Variants in RNGTT observed in about 807,000 individuals in gnomAD.
RNGTT encodes the protein RNA guanylyltransferase and 5'-phosphatase, also known as mRNA-capping enzyme.
A neutral mutation model predicts 79.3 loss-of-function variants in RNGTT; 33 were observed. The ratio of observed to expected loss-of-function variants is 0.42; its 90% confidence interval spans 0.32 to 0.56. The LOEUF (loss-of-function observed/expected upper bound fraction) is 0.56, where lower values mean the gene tolerates loss of function less well. Ranked by LOEUF, RNGTT falls within the 20% of genes least tolerant of loss-of-function variation. RNGTT has a pLI of 0.17. For missense variants in RNGTT, 497 were observed against 739.1 expected, an observed-to-expected ratio of 0.67 and a Z score of 3.80; for synonymous variants, 222 against 235.9, an observed-to-expected ratio of 0.94 and a Z score of 0.54.
chr6:88,802,393 C>T lies in RNGTT; in HGVS notation c.1270-761G>A, dbSNP rs1040036766. Among the ~76,000 whole-genome samples, 9 of 152,222 alleles carry T rather than the reference C, an allele frequency of 5.9e-5. 1 individual carries two copies. The South Asian group carries it at 1.9e-3, about 32-fold the overall frequency. ...TCAACAGAGTTATAGACCCCATACC[C>T]TCTAATTAATTCTGACTGATTACGT... On this transcript the variant is annotated intron_variant, in intron 11 of 15. Coordinates refer to ENST00000369485, the MANE Select transcript of RNGTT (RefSeq NM_003800.5).
intron 14 of RNGTT, among the ~76,000 whole-genome samples, chr6:88,639,363 T>C (rs955231565): frequency 1.3e-5 from 2 of 152,126 alleles, no homozygotes; most frequent in Admixed American, 1.3e-4. Flanking sequence ...TATTCATATA[T>C]CTCAGTCTGT....
intron 8 of RNGTT, among the ~76,000 whole-genome samples, chr6:88,883,740 C>T (rs1044686774): frequency 6.6e-6 from 1 of 151,882 alleles, no homozygotes; most frequent in Non-Finnish European, 1.5e-5. Context: ...TAAGGAAAGG[C>T]TTTCTAACTA....
At chr6:88,644,473 A>C (rs1323363827) in intron 14 of RNGTT, among the ~76,000 whole-genome samples, 3 of 152,184 alleles carry the variant, frequency 2.0e-5, no homozygotes, top group Non-Finnish European at 2.9e-5. Flanking sequence ...ATCAATAGAA[A>C]AAGAGGGAAT....
At chr6:88,927,811 G>T (rs1784370759) in intron 4 of RNGTT, among the ~76,000 whole-genome samples, 1 of 150,288 alleles carries the variant, frequency 6.7e-6, no homozygotes, top group Non-Finnish European at 1.5e-5. Context: ...TCCAGCCTGG[G>T]CAACAGAGTG....
At position 88,654,291 on chromosome 6, in the gene RNGTT, A is replaced by G. The variant is rs73492491; in HGVS notation, c.1506+24062T>C. Among the ~76,000 whole-genome samples the G allele has an allele frequency of 2.0e-3, 300 of 152,300 alleles. 2 individuals are homozygous for G. The highest frequency in any genetic ancestry group is 7.1e-3 in the African/African-American group (294 of 41,556). On this transcript the variant is annotated intron_variant, in intron 14 of 15. Transcript: ENST00000369485. ...ATATGAAACACTGAAAATTTTCCTC[A>G]TCATTAAGAGTATTACAGAAAATTT...
intron 8 of RNGTT, among the ~76,000 whole-genome samples, chr6:88,856,524 T>C (rs1006467407): frequency 6.6e-6 from 1 of 152,116 alleles, no homozygotes; most frequent in Non-Finnish European, 1.5e-5. Flanking sequence ...TATAAACAGA[T>C]TTAAAAGACT....
intron 11 of RNGTT, among the ~76,000 whole-genome samples, chr6:88,835,816 A>G (rs939439791): frequency 7.9e-5 from 12 of 152,022 alleles, no homozygotes; most frequent in Admixed American, 6.6e-5. Context: ...TTAAGGTGAT[A>G]GATCTGTACC....
At chr6:88,939,493 C>T (rs1458932240) in intron 2 of RNGTT, among the ~76,000 whole-genome samples, 2 of 151,566 alleles carry the variant, frequency 1.3e-5, no homozygotes, top group Non-Finnish European at 2.9e-5. Flanking sequence ...TTATTCATAC[C>T]CTGAATTGTT....
intron 1 of RNGTT, among the ~76,000 whole-genome samples, chr6:88,961,562 G>A (rs952608166): frequency 8.6e-5 from 13 of 151,936 alleles, no homozygotes; most frequent in South Asian, 2.1e-4. Context: ...TCGGCCTCCC[G>A]AGTAGCTGGG....
intron 4 of RNGTT, among the ~76,000 whole-genome samples, chr6:88,922,288 A>G: frequency 6.6e-6 from 1 of 152,020 alleles, no homozygotes; most frequent in Admixed American, 6.6e-5. Flanking sequence ...TGATATTTCA[A>G]TACATGTCTA....
At chr6:88,626,953 A>T (rs1772656031) in intron 14 of RNGTT, among the ~76,000 whole-genome samples, 1 of 152,084 alleles carries the variant, frequency 6.6e-6, no homozygotes, top group Non-Finnish European at 1.5e-5. Flanking sequence ...ACCAAGCATG[A>T]TGAGAATTAT....
chr6:88,843,400 C>A (rs1191362854), intron 11 of RNGTT, among the ~76,000 whole-genome samples: 1 of 152,016 alleles, frequency 6.6e-6, no homozygotes, highest in East Asian at 1.9e-4. Context: ...ATGTATAGTA[C>A]ACCTTTACTA....
At chr6:88,741,295 G>A (rs901885066) in intron 13 of RNGTT, among the ~76,000 whole-genome samples, 1 of 152,144 alleles carries the variant, frequency 6.6e-6, no homozygotes, top group Non-Finnish European at 1.5e-5. Flanking sequence ...GTCCTTTGCA[G>A]CGACATGGAT....
chr6:88,847,703 T>C (rs982054271), intron 10 of RNGTT, among the ~76,000 whole-genome samples: 2 of 152,020 alleles, frequency 1.3e-5, no homozygotes, highest in African/African-American at 2.4e-5. Flanking sequence ...GAATAAAATA[T>C]AGATTAATTT....
intron 12 of RNGTT, among the ~76,000 whole-genome samples, chr6:88,789,394 T>A (rs1246768113): frequency 1.3e-5 from 2 of 152,136 alleles, no homozygotes; most frequent in African/African-American, 4.8e-5. Context: ...ACCCCGTATC[T>A]ACTAAAACTA....
chr6:88,927,662 CAAA>C (rs35564169), intron 4 of RNGTT, among the ~76,000 whole-genome samples: 4 of 136,722 alleles, frequency 2.9e-5, no homozygotes, highest in Admixed American at 7.3e-5. Flanking sequence ...AACTCCATCT[CAAA>C]AAAAAAAAAA....
chr6:88,792,257 C>A (rs1477893416), intron 12 of RNGTT, among the ~76,000 whole-genome samples: 1 of 152,204 alleles, frequency 6.6e-6, no homozygotes. Flanking sequence ...AAAATCATGT[C>A]TCCTCTCACC....
At chr6:88,614,536 T>A in intron 14 of RNGTT, 141 bp from the exon 15 acceptor site, 2 of 738,362 alleles carry the variant, frequency 2.7e-6, no homozygotes, top group Non-Finnish European at 4.4e-6. Flanking sequence ...CTGAAGTATC[T>A]AATCAAGCTT....
chr6:88,860,389 C>T (rs1012291062), intron 8 of RNGTT, among the ~76,000 whole-genome samples: 6 of 152,144 alleles, frequency 3.9e-5, no homozygotes, highest in Non-Finnish European at 5.9e-5. Context: ...TTTCCCTACC[C>T]CTAGCAGGCT....
Sources: allele counts gnomAD v4.1 joint callset (sites outside exome capture counted in the v4.1 genomes callset), GRCh38; gene constraint gnomAD v4.1.1; transcripts MANE v1.5; gene names NCBI Gene and HGNC (gene_info 2026-07-23, HGNC 2026-07-21).